The following INPP4A variants were observed in gnomAD, a reference collection of about 807,000 sequenced individuals.
The protein encoded by INPP4A is inositol polyphosphate-4-phosphatase, type I, 107kD.
Under a neutral mutation model 119.8 loss-of-function variants are expected in INPP4A, and 33 were observed. The observed-to-expected ratio is 0.28, with a 90% CI of 0.21 to 0.37. INPP4A has a LOEUF of 0.37. INPP4A is among the 10% of genes least tolerant of loss of function. The pLI is 1.00. For missense variants in INPP4A, 956 were observed against 1,289.9 expected, an observed-to-expected ratio of 0.74 and a Z score of 3.97; for synonymous variants, 496 against 500.7, an observed-to-expected ratio of 0.99 and a Z score of 0.12.
chr2:98,549,224 G>C (rs1693041776), intron 13 of INPP4A, among the ~76,000 whole-genome samples: 1 of 152,148 alleles, frequency 6.6e-6, no homozygotes, highest in African/African-American at 2.4e-5. Flanking sequence ...AAAGGACCTA[G>C]TTCTGTTTCT....
chr2:98,523,073 G>T (rs896397163), intron 4 of INPP4A, among the ~76,000 whole-genome samples: 1 of 152,192 alleles, frequency 6.6e-6, no homozygotes, highest in Non-Finnish European at 1.5e-5. Context: ...AGGAAACAGG[G>T]TCATCACAAG....
At chr2:98,500,466 A>G (rs560070702) in intron 1 of INPP4A, among the ~76,000 whole-genome samples, 4 of 152,334 alleles carry the variant, frequency 2.6e-5, no homozygotes, top group African/African-American at 9.6e-5. Context: ...ATTCAGTGAT[A>G]CTTGTGAAAA....
chr2:98,529,746 A>T (rs1688852851), intron 4 of INPP4A, among the ~76,000 whole-genome samples: 1 of 152,162 alleles, frequency 6.6e-6, no homozygotes, highest in Non-Finnish European at 1.5e-5. Context: ...AAAATAAAAA[A>T]CAAAAAAAGA....
intron 1 of INPP4A, among the ~76,000 whole-genome samples, chr2:98,470,868 A>G (rs2104830495): frequency 6.6e-6 from 1 of 152,090 alleles, no homozygotes; most frequent in South Asian, 2.1e-4. Flanking sequence ...GGGTTTCACC[A>G]TGTTAGCCAG....
intron 4 of INPP4A, chr2:98,521,502 T>G (rs893361509): frequency 6.6e-6 from 1 of 152,220 alleles, no homozygotes; most frequent in Non-Finnish European, 1.5e-5. Context: ...AGCCTGCCAC[T>G]CGACCTTGCT....
chr2:98,468,761 A>G (rs1675317271), intron 1 of INPP4A, among the ~76,000 whole-genome samples: 1 of 152,122 alleles, frequency 6.6e-6, no homozygotes, highest in East Asian at 1.9e-4. Context: ...CTCATGGTTC[A>G]TTGCTGGACC....
intron 1 of INPP4A, among the ~76,000 whole-genome samples, chr2:98,456,179 A>G (rs2104542803): frequency 6.6e-6 from 1 of 152,304 alleles, no homozygotes; most frequent in Admixed American, 6.5e-5. Context: ...ACTTGTTTCA[A>G]AAAGGATACA....
chr2:98,452,698 C>T (rs1695443895), intron 1 of INPP4A, among the ~76,000 whole-genome samples: 1 of 152,190 alleles, frequency 6.6e-6, no homozygotes, highest in African/African-American at 2.4e-5. Flanking sequence ...CCCCTTGCCT[C>T]AAGCTTCTCC....
intron 10 of INPP4A, among the ~76,000 whole-genome samples, chr2:98,543,065 G>A (rs1409451161): frequency 6.6e-6 from 1 of 151,932 alleles, no homozygotes; most frequent in Non-Finnish European, 1.5e-5. Context: ...GACTACAGGC[G>A]CCCACCACCA....
Position 98,589,782 on chromosome 2 carries a change from G to C in INPP4A, c.*2174G>C. On this transcript the variant is annotated 3_prime_UTR_variant, in exon 25 of 25. Transcript: ENST00000409851. ...GGTTTTCAGAGGTGCAGGGAAGGCA[G>C]TTTTACAGGTTACCGTAAAACAGAG... The C allele has an allele frequency of 5.4e-6, 1 of 185,022 alleles. No homozygotes were observed. Among genetic ancestry groups the C allele is most frequent in the South Asian group, 2.0e-4 (1 of 5,094 alleles). The allele number at this position is 185,022 out of a possible 1,614,324, so 11.5% of individuals were successfully genotyped here. A position where few individuals can be genotyped will look rare whatever the true frequency, so the allele number is the denominator to read the frequency against.
intron 1 of INPP4A, among the ~76,000 whole-genome samples, chr2:98,497,848 G>A (rs932991369): frequency 2.6e-5 from 4 of 152,154 alleles, no homozygotes; most frequent in South Asian, 2.1e-4. Flanking sequence ...TGACTGCCCT[G>A]TTGGATTTCA....
chr2:98,527,688 A>G (rs916064421), intron 4 of INPP4A, among the ~76,000 whole-genome samples: 2 of 152,232 alleles, frequency 1.3e-5, no homozygotes, highest in African/African-American at 4.8e-5. Context: ...CTGAACATTG[A>G]AAATGCACCC....
At chr2:98,568,916 A>C (rs1345361497) in intron 22 of INPP4A, 2 of 433,048 alleles carry the variant, frequency 4.6e-6, no homozygotes, top group African/African-American at 4.0e-5. Context: ...ATGCTGTCGT[A>C]GTCACTGACA....
chr2:98,463,234 T>C (rs143509953), intron 1 of INPP4A, among the ~76,000 whole-genome samples: 5 of 152,382 alleles, frequency 3.3e-5, no homozygotes, highest in African/African-American at 1.2e-4. Flanking sequence ...TCTGTTGGGC[T>C]TTCCTCTGCC....
At chr2:98,530,777 A>G (rs1451960840) in intron 4 of INPP4A, among the ~76,000 whole-genome samples, 1 of 152,270 alleles carries the variant, frequency 6.6e-6, no homozygotes, top group African/African-American at 2.4e-5. Context: ...AAGGGGCTGT[A>G]TATATTAGAG....
At chr2:98,564,822 T>C in intron 19 of INPP4A, 59 bp downstream of exon 19, 2 of 1,504,326 alleles carry the variant, frequency 1.3e-6, no homozygotes, top group Non-Finnish European at 1.8e-6. Context: ...CCATCCTTTC[T>C]TGCTAGGCAC....
intron 7 of INPP4A, 73 bp from the exon 8 acceptor site, chr2:98,537,790 C>G: frequency 8.4e-7 from 1 of 1,186,538 alleles, no homozygotes; most frequent in Non-Finnish European, 1.2e-6. Flanking sequence ...CCCAGTACGG[C>G]TAGGGCTTTG....
chr2:98,528,500 C>G (rs1016029664), intron 4 of INPP4A, among the ~76,000 whole-genome samples: 2 of 152,116 alleles, frequency 1.3e-5, no homozygotes, highest in Admixed American at 1.3e-4. Context: ...TTGAATAAAT[C>G]ATGACCAAAA....
intron 4 of INPP4A, among the ~76,000 whole-genome samples, chr2:98,526,920 A>G (rs1024358215): frequency 6.6e-6 from 1 of 152,214 alleles, no homozygotes; most frequent in Non-Finnish European, 1.5e-5. Context: ...ACTCAGAGCT[A>G]GAACTCACTC....
Sources: gnomAD v4.1 joint callset for allele counts (sites outside exome capture counted in the v4.1 genomes callset) on GRCh38, gnomAD v4.1.1 for gene constraint, MANE v1.5 for transcripts, NCBI Gene and HGNC (gene_info 2026-07-23, HGNC 2026-07-21) for gene names.